The following C6 variants were observed in gnomAD, a reference collection of about 807,000 sequenced individuals.
The protein encoded by C6 is complement component C6.
A neutral mutation model predicts 112.9 loss-of-function variants in C6; 101 were observed. The ratio of observed to expected loss-of-function variants is 0.89; its 90% CI spans 0.76 to 1.06. The LOEUF is 1.06. C6 is among the 50% of genes least tolerant of loss of function. C6 has a pLI of 0.00. For missense variants in C6, 1,202 were observed against 1,104.6 expected, an observed-to-expected ratio of 1.09 and a Z score of -1.25; for synonymous variants, 431 against 384.1, an observed-to-expected ratio of 1.12 and a Z score of -1.43.
intron 7 of C6, among the ~76,000 whole-genome samples, chr5:41,179,221 G>A (rs1223412382): frequency 6.6e-6 from 1 of 152,188 alleles, no homozygotes; most frequent in East Asian, 1.9e-4. Flanking sequence ...ACCTGATATT[G>A]TGAATAGCTC....
intron 3 of C6, 90 bp from the exon 4 acceptor site, chr5:41,200,002 G>A: frequency 1.1e-5 from 13 of 1,135,258 alleles, no homozygotes; most frequent in Non-Finnish European, 1.7e-5. Flanking sequence ...TCACAACAGT[G>A]ATTTTTCCTA....
chr5:41,244,173 A>G (rs1176868715), intron 1 of C6, among the ~76,000 whole-genome samples: 1 of 152,236 alleles, frequency 6.6e-6, no homozygotes, highest in African/African-American at 2.4e-5. Flanking sequence ...AAAGTTGCAA[A>G]AGCAACGTTG....
At chr5:41,197,789 A>G (rs1012362082) in intron 4 of C6, among the ~76,000 whole-genome samples, 3 of 152,038 alleles carry the variant, frequency 2.0e-5, no homozygotes, top group African/African-American at 7.2e-5. Context: ...GGTCATAAAA[A>G]CTCTATGGAA....
intron 1 of C6, among the ~76,000 whole-genome samples, chr5:41,212,007 C>G (rs1277369117): frequency 2.0e-5 from 3 of 152,080 alleles, no homozygotes; most frequent in Non-Finnish European, 4.4e-5. Flanking sequence ...TAAGCTATAA[C>G]TGTTCTGAGG....
In C6 at chr5:41,243,733, T is replaced by G. The variant is rs1442861078; in HGVS notation, c.-21+17461A>C. ...TCTGCTACTCTCTGCCTGAAGGCTTTTTAACAGCCTTGGGGAAACTCTTAG... is the reference window on the plus strand; with the variant it reads ...TCTGCTACTCTCTGCCTGAAGGCTTGTTAACAGCCTTGGGGAAACTCTTAG... On this transcript the variant is annotated intron_variant, in intron 1 of 17. Coordinates refer to the C6 transcript ENST00000263413. 2.0e-5 allele frequency among the ~76,000 whole-genome samples: 3 copies of G among 152,174 alleles called. No individual in the cohort carries two copies. In the South Asian group the frequency reaches 6.2e-4, roughly 31 times the overall value.
intron 1 of C6, among the ~76,000 whole-genome samples, chr5:41,240,865 T>C (rs927855646): frequency 7.2e-5 from 11 of 152,122 alleles, no homozygotes; most frequent in African/African-American, 2.6e-4. Flanking sequence ...ATAGTGTGCA[T>C]GGGTATAAGG....
intron 5 of C6, among the ~76,000 whole-genome samples, chr5:41,193,817 G>A (rs1343399289): frequency 8.3e-6 from 1 of 119,834 alleles, no homozygotes; most frequent in Non-Finnish European, 1.8e-5. Context: ...TTTTTTTGTG[G>A]TTAGAAATAT....
intron 1 of C6, among the ~76,000 whole-genome samples, chr5:41,242,196 T>A (rs1173742693): frequency 6.6e-6 from 1 of 152,128 alleles, no homozygotes; most frequent in East Asian, 1.9e-4. Flanking sequence ...ATAATCCCCA[T>A]GTGTCAAGGG....
chr5:41,200,446 T>C (rs35179056), intron 3 of C6, among the ~76,000 whole-genome samples: 45,410 of 152,110 alleles, frequency 0.3, 7,923 homozygotes, highest in Non-Finnish European at 0.4. Flanking sequence ...GTACTGACTT[T>C]GAAGTCAGAA....
intron 1 of C6, among the ~76,000 whole-genome samples, chr5:41,231,717 C>T (rs1739911794): frequency 6.6e-6 from 1 of 151,764 alleles, no homozygotes; most frequent in African/African-American, 2.4e-5. Context: ...AGTGGTGTGC[C>T]TATGATTCTG....
At chr5:41,229,521 A>G (rs1456631072) in intron 1 of C6, among the ~76,000 whole-genome samples, 1 of 152,048 alleles carries the variant, frequency 6.6e-6, no homozygotes, top group Non-Finnish European at 1.5e-5. Flanking sequence ...GTTTCATATT[A>G]TTGTGATCAG....
Position 41,229,544 on chromosome 5 carries a change from A to C in C6, c.-20-26294T>G, listed in dbSNP as rs551097112. On this transcript the variant is annotated intron_variant, in intron 1 of 17. Coordinates refer to the C6 transcript ENST00000263413. ...TTATTGTGATCAGAAAAGATGGTGCAATTTGATTTCAGTCTTTTTTGATGT... is the reference window on the plus strand; with the variant it reads ...TTATTGTGATCAGAAAAGATGGTGCCATTTGATTTCAGTCTTTTTTGATGT... Among the ~76,000 whole-genome samples, 37 of 152,228 alleles carry C rather than the reference A, an allele frequency of 2.4e-4. No individual in the cohort carries two copies. The South Asian group carries it at 6.4e-3, about 26-fold the overall frequency.
intron 5 of C6, among the ~76,000 whole-genome samples, chr5:41,193,643 G>A (rs1223472871): frequency 6.6e-6 from 1 of 151,990 alleles, no homozygotes; most frequent in Non-Finnish European, 1.5e-5. Context: ...CACTAAGCCT[G>A]GGTAAAAACA....
chr5:41,231,716 C>T (rs1050136415), intron 1 of C6, among the ~76,000 whole-genome samples: 6 of 151,882 alleles, frequency 4.0e-5, no homozygotes, highest in Admixed American at 2.0e-4. Context: ...AAGTGGTGTG[C>T]CTATGATTCT....
chr5:41,159,970 A>C (rs1554019695), intron 11 of C6, among the ~76,000 whole-genome samples, 172 bp downstream of exon 11: 1 of 152,194 alleles, frequency 6.6e-6, no homozygotes, highest in Non-Finnish European at 1.5e-5. Flanking sequence ...CCAAGCTCAC[A>C]TAGTTGGTAG....
chr5:41,164,860 C>G (rs956428871), intron 9 of C6, among the ~76,000 whole-genome samples: 1 of 151,998 alleles, frequency 6.6e-6, no homozygotes, highest in Non-Finnish European at 1.5e-5. Context: ...AATATTGACA[C>G]AGAAATGTAC....
chr5:41,162,929 A>G (rs1199459976), intron 9 of C6, among the ~76,000 whole-genome samples: 1 of 152,208 alleles, frequency 6.6e-6, no homozygotes, highest in Non-Finnish European at 1.5e-5. Flanking sequence ...TTGCCAATAT[A>G]TCATGTACAG....
chr5:41,181,826 A>G (rs545995426), intron 6 of C6, among the ~76,000 whole-genome samples: 24 of 152,200 alleles, frequency 1.6e-4, no homozygotes, highest in Non-Finnish European at 2.9e-4. Flanking sequence ...CTGAGAGGCA[A>G]TATCAGGAAA....
At chr5:41,214,916 G>A (rs1213659664), upstream of C6, among the ~76,000 whole-genome samples, 6 of 152,114 alleles carry the variant, frequency 3.9e-5, no homozygotes, top group Admixed American at 2.6e-4. Context: ...AAAAACACAG[G>A]TGGAGAGAGT....
Sources: allele counts gnomAD v4.1 joint callset (sites outside exome capture counted in the v4.1 genomes callset), GRCh38; gene constraint gnomAD v4.1.1; transcripts MANE v1.5; gene names NCBI Gene and HGNC (gene_info 2026-07-23, HGNC 2026-07-21).